DCX: variants seen among roughly 807,000 people sequenced by gnomAD.
DCX encodes neuronal migration protein doublecortin.
Under a neutral mutation model 20.9 loss-of-function variants are expected in DCX, and 4 were observed. The ratio of observed to expected loss-of-function variants is 0.19; its 90% CI spans 0.09 to 0.44. The LOEUF (loss-of-function observed/expected upper bound fraction) is 0.44, where lower values mean the gene tolerates loss of function less well. Ranked by LOEUF, DCX falls within the 20% of genes least tolerant of loss-of-function variation. DCX has a pLI of 0.99. For synonymous variants in DCX, 103 were observed against 111.4 expected (o/e 0.92, Z 0.47); for missense variants, 133 against 296.9 (o/e 0.45, Z 4.06).
chrX:111,366,696 C>T (rs926431457), intron 3 of DCX, among the ~76,000 whole-genome samples: 3 of 111,735 alleles, frequency 2.7e-5, no homozygotes, highest in African/African-American at 9.8e-5. Context: ...AGGTCAATGC[C>T]AGGTGTCAGG....
chrX:111,330,881 A>T (rs750779825), intron 5 of DCX, 23 bp downstream of exon 5: 8 of 1,210,657 alleles, frequency 6.6e-6, no homozygotes, highest in Non-Finnish European at 8.9e-6. Flanking sequence ...GTCAGCGTGC[A>T]CAGTTAGGAA....
chrX:111,356,352 T>C (rs2097858828), intron 3 of DCX, among the ~76,000 whole-genome samples: 1 of 112,722 alleles, frequency 8.9e-6, no homozygotes, highest in African/African-American at 3.2e-5. Context: ...CATTGAGTTC[T>C]TATTCAACCT....
intron 6 of DCX, among the ~76,000 whole-genome samples, chrX:111,307,962 C>T (rs1032751678): frequency 3.6e-5 from 4 of 111,636 alleles, no homozygotes; most frequent in South Asian, 3.8e-4. Context: ...GAATTAATGG[C>T]GTGAGATGCA....
chrX:111,339,264 T>G (rs1184353261), intron 3 of DCX, among the ~76,000 whole-genome samples: 3 of 112,130 alleles, frequency 2.7e-5, no homozygotes, highest in Non-Finnish European at 5.6e-5. Flanking sequence ...AAAACTCATG[T>G]TGAAACTTAC....
At chrX:111,363,404 A>G (rs1924368791) in intron 3 of DCX, among the ~76,000 whole-genome samples, 1 of 109,756 alleles carries the variant, frequency 9.1e-6, no homozygotes, top group Admixed American at 9.7e-5. Context: ...CCAGCAGAGA[A>G]CAAGGCCCCA....
At chrX:111,354,015 G>A (rs149176801) in intron 3 of DCX, among the ~76,000 whole-genome samples, 192 of 111,805 alleles carry the variant, frequency 1.7e-3, no homozygotes, top group African/African-American at 5.3e-3. Flanking sequence ...AATTAAGCTC[G>A]TTTCCCTTAA....
intron 3 of DCX, among the ~76,000 whole-genome samples, chrX:111,346,009 T>G (rs1922777335): frequency 9.0e-6 from 1 of 111,368 alleles, no homozygotes; most frequent in South Asian, 3.8e-4. Context: ...GTTGAGCTTT[T>G]TTTCCTATGT....
In DCX at chrX:111,296,210, T is replaced by C. The variant is rs2095020364; in HGVS notation, c.*5477A>G. 8.9e-6 allele frequency: 1 copy of C among 111,752 alleles called. No homozygotes were observed. Among genetic ancestry groups the C allele is most frequent in the African/African-American group, 3.3e-5 (1 of 30,704 alleles). 9.2% of individuals were successfully genotyped at this position (111,752 alleles called of 1,213,427 possible). On this transcript the variant is annotated 3_prime_UTR_variant, in exon 7 of 7. Transcript: ENST00000636035. ...CAAGAGGTAGAGCGGCAAAAAGCCATTGATTCCCTCAGGTTATTGACCTAG... is the reference window on the plus strand; with the variant it reads ...CAAGAGGTAGAGCGGCAAAAAGCCACTGATTCCCTCAGGTTATTGACCTAG...
rs1275135137 is a variant in DCX at position 111,301,238 on chromosome X, T to A, written c.*449A>T. On this transcript the variant is annotated 3_prime_UTR_variant, in exon 7 of 7. Coordinates refer to ENST00000636035, the MANE Select transcript of DCX (RefSeq NM_001195553.2). The stretch of plus-strand genomic sequence containing the variant: ...CCAGGGTCCTCCACCATTCTTGAGA[T>A]CCAGAGAAAAGGGGCACTTGTGTTT... 1.4e-5 allele frequency: 2 copies of A among 143,962 alleles called. No individual in the cohort carries two copies. Among genetic ancestry groups the A allele is most frequent in the African/African-American group, 3.1e-5 (1 of 31,763 alleles). 11.9% of individuals were successfully genotyped at this position (143,962 alleles called of 1,213,427 possible).
In DCX at chrX:111,316,094, A is replaced by AATAAATAAAT. The variant is rs1556369845; in HGVS notation, c.947-3359_947-3358insATTTATTTAT. Among the ~76,000 whole-genome samples, 752 of 94,346 alleles carry AATAAATAAAT rather than the reference A, an allele frequency of 8.0e-3. 19 individuals are homozygous for AATAAATAAAT. Among genetic ancestry groups the AATAAATAAAT allele is most frequent in the African/African-American group, 0.038 (722 of 19,071 alleles). The allele number at this position is 94,346 out of a possible 115,157, so 81.9% of individuals were successfully genotyped here. A position where few individuals can be genotyped will look rare whatever the true frequency, so the allele number is the denominator to read the frequency against. ...TAGAGTATAATAAAAAATAAAAAAA[A>AATAAATAAAT]AAAAAAAAAAAAAAAATGTTAAGGG... On this transcript the variant is annotated intron_variant, in intron 5 of 6. Coordinates refer to ENST00000636035, the MANE Select transcript of DCX (RefSeq NM_001195553.2).
intron 5 of DCX, among the ~76,000 whole-genome samples, chrX:111,321,292 C>G (rs2095085941): frequency 8.9e-6 from 1 of 111,823 alleles, no homozygotes; most frequent in Non-Finnish European, 1.9e-5. Flanking sequence ...GTATCTATGC[C>G]CTGCCTGTCA....
chrX:111,316,086 TAAAAAAAAAA>T (rs754058802), intron 5 of DCX, among the ~76,000 whole-genome samples: 1 of 50,659 alleles, frequency 2.0e-5, no homozygotes, highest in Non-Finnish European at 3.6e-5. Flanking sequence ...TAATAAAAAA[TAAAAAAAAAA>T]AAAAAAAAAA....
At chrX:111,393,830 T>TA (rs1208428776) in intron 3 of DCX, among the ~76,000 whole-genome samples, 35 of 101,101 alleles carry the variant, frequency 3.5e-4, no homozygotes, top group Non-Finnish European at 4.3e-4. Context: ...ATGGAGCTAA[T>TA]AAAAAAAAAA....
chrX:111,307,911 G>A (rs2095049140), intron 6 of DCX, among the ~76,000 whole-genome samples: 1 of 111,524 alleles, frequency 9.0e-6, no homozygotes, highest in African/African-American at 3.3e-5. Flanking sequence ...CCTGAGGGTA[G>A]AATCCTGAAG....
chrX:111,344,000 G>A (rs1021666346), intron 3 of DCX, among the ~76,000 whole-genome samples: 1 of 111,081 alleles, frequency 9.0e-6, no homozygotes, highest in Non-Finnish European at 1.9e-5. Flanking sequence ...TAAAATAACT[G>A]GTGAACCGAA....
intron 3 of DCX, among the ~76,000 whole-genome samples, chrX:111,382,292 C>G (rs968879953): frequency 9.0e-6 from 1 of 111,690 alleles, no homozygotes; most frequent in Non-Finnish European, 1.9e-5. Flanking sequence ...AACATTGAGG[C>G]CAGTGGTTTC....
intron 3 of DCX, among the ~76,000 whole-genome samples, chrX:111,362,612 C>A (rs1051372507): frequency 1.2e-4 from 13 of 111,598 alleles, no homozygotes; most frequent in African/African-American, 4.2e-4. Flanking sequence ...CATCCTCAGT[C>A]ATTCCCAACC....
At chrX:111,324,806 C>T (rs141397098) in intron 5 of DCX, among the ~76,000 whole-genome samples, 56 of 111,670 alleles carry the variant, frequency 5.0e-4, no homozygotes, top group African/African-American at 1.8e-3. Context: ...TTCATAGCAC[C>T]TAGCACTACT....
intron 3 of DCX, among the ~76,000 whole-genome samples, chrX:111,365,344 T>TA (rs1023793294): frequency 4.6e-5 from 5 of 109,843 alleles, no homozygotes; most frequent in African/African-American, 1.3e-4. Flanking sequence ...TTTTTAAAAT[T>TA]AAAAAAAACT....
Sources: gnomAD v4.1 joint callset for allele counts (sites outside exome capture counted in the v4.1 genomes callset) on GRCh38, gnomAD v4.1.1 for gene constraint, MANE v1.5 for transcripts, NCBI Gene and HGNC (gene_info 2026-07-23, HGNC 2026-07-21) for gene names.